SPTBN5: variants seen among roughly 807,000 people sequenced by gnomAD.
The protein encoded by SPTBN5 is spectrin beta chain, non-erythrocytic 5.
SPTBN5 carries 513 observed loss-of-function variants against 477.6 expected under a neutral mutation model. That is an observed-to-expected ratio of 1.07 (90% CI 1.00 to 1.16). The LOEUF (loss-of-function observed/expected upper bound fraction) is 1.16, where lower values mean the gene tolerates loss of function less well. SPTBN5 is among the 50% of genes most tolerant of loss of function. The pLI, the probability that SPTBN5 is intolerant of heterozygous loss-of-function variation, is 0.00. For synonymous variants in SPTBN5, 2,169 were observed against 2,011.7 expected (o/e 1.08, Z -2.09); for missense variants, 5,062 against 4,731.8 (o/e 1.07, Z -2.05).
At position 41,873,625 on chromosome 15, in the gene SPTBN5, C is replaced by T; in HGVS notation, c.4891-17G>A. 6.5e-7 allele frequency: 1 copy of T among 1,543,836 alleles called. No homozygotes were observed. The highest frequency in any genetic ancestry group is 8.8e-7 in the Non-Finnish European group (1 of 1,141,320). ...CAGAAAGTACTGCCAAGAGTGGGGC[C>T]AACTCACCTGGAGGATCTCAGACAG... On this transcript the variant is annotated splice_polypyrimidine_tract_variant and intron_variant, in intron 25 of 67. Transcript: ENST00000320955.
Position 41,874,461 on chromosome 15 carries a change from C to T in SPTBN5, c.4520G>A (p.Gly1507Glu). ...KHLRRLELLQGHLAIRGLQLQ... is the reference protein window; with the variant it reads ...KHLRRLELLQEHLAIRGLQLQ... ...CTGCAGGCCCCGGATGGCCAGATGC[C>T]CCTGCAGAAGCTCCAGCCTAGGAGG... Residue 1507 changes from glycine (G) to glutamate (E), a missense_variant, in exon 24 of 68, where the codon GGG becomes GAG. Coordinates refer to ENST00000320955, the MANE Select transcript of SPTBN5 (RefSeq NM_016642.4). 6.2e-7 allele frequency: 1 copy of T among 1,609,418 alleles called. No homozygotes were observed.
In SPTBN5 at chr15:41,881,230, T is replaced by A; in HGVS notation, c.2462A>T (p.Asn821Ile). The change falls in exon 13 of 68, where the codon AAC becomes ATC. Residue 821 changes from asparagine (N) to isoleucine (I), a missense_variant. By Grantham distance (149) the Asn-to-Ile change is moderately radical. Transcript: ENST00000320955. Reference protein sequence around the residue: ...ASARASLFTVNSALSPPGESL... With the variant: ...ASARASLFTVISALSPPGESL... Reference sequence around the variant, plus strand: ...TTCTCCTGGAGGGCTCAGGGCAGAGTTCACCTGTGTGACAAAGGGCAGCGC... The same window carrying A: ...TTCTCCTGGAGGGCTCAGGGCAGAGATCACCTGTGTGACAAAGGGCAGCGC... The A allele has an allele frequency of 6.2e-7, 1 of 1,603,400 alleles. No individual in the cohort carries two copies. The highest frequency in any genetic ancestry group is 8.5e-7 in the Non-Finnish European group (1 of 1,176,012).
intron 39 of SPTBN5, 42 bp from the exon 40 acceptor site, chr15:41,864,066 C>A: frequency 6.5e-7 from 1 of 1,529,586 alleles, no homozygotes; most frequent in Non-Finnish European, 9.0e-7. Context: ...ACCCCCCATG[C>A]AGAGCCCCTT....
chr15:41,873,448 T>A, intron 26 of SPTBN5, 44 bp downstream of exon 26: 1 of 1,431,772 alleles, frequency 7.0e-7, no homozygotes, highest in Non-Finnish European at 9.6e-7. Context: ...CCGTGGTCCA[T>A]CATCACCCAG....
intron 7 of SPTBN5, among the ~76,000 whole-genome samples, chr15:41,885,457 T>C (rs1319988736): frequency 6.6e-6 from 1 of 152,268 alleles, no homozygotes; most frequent in Non-Finnish European, 1.5e-5. Flanking sequence ...CTCCAGCACC[T>C]AGCACAGTGT....
At position 41,857,316 on chromosome 15, in the gene SPTBN5, C is replaced by A. The variant is rs1022883332; in HGVS notation, c.8543G>T (p.Gly2848Val). The stretch of plus-strand genomic sequence containing the variant: ...TTCCCTCACAAAGGCCTGGGCCTGG[C>A]CCAGCAGTGCCTCAGCCTGCCTGGC... ...KKARQAEALLGQAQAFVREGH... is the reference protein window; with the variant it reads ...KKARQAEALLVQAQAFVREGH... Residue 2848 changes from glycine (G) to valine (V), a missense_variant, in exon 51 of 68, where the codon GGC becomes GTC. Physicochemically the swap from Gly to Val is moderately radical, Grantham distance 109 (BLOSUM62 -3). Coordinates refer to ENST00000320955, the MANE Select transcript of SPTBN5 (RefSeq NM_016642.4). 3.8e-6 allele frequency: 6 copies of A among 1,567,832 alleles called. No homozygotes were observed. The highest frequency in any genetic ancestry group is 5.2e-6 in the Non-Finnish European group (6 of 1,156,950).
intron 20 of SPTBN5, 57 bp from the exon 21 acceptor site, chr15:41,876,341 T>C (rs1453002599): frequency 2.5e-5 from 37 of 1,480,014 alleles, no homozygotes; most frequent in Non-Finnish European, 3.0e-5. Flanking sequence ...GGCTGGTGCC[T>C]AGCCCTGCAT....
At chr15:41,848,890 A>G (rs2065647775) in intron 67 of SPTBN5, among the ~76,000 whole-genome samples, 1 of 152,202 alleles carries the variant, frequency 6.6e-6, no homozygotes, top group South Asian at 2.1e-4. Flanking sequence ...TAGAGACAGC[A>G]GAAAAAATGG....
At chr15:41,875,273 A>G (rs2066684849) in intron 22 of SPTBN5, among the ~76,000 whole-genome samples, 185 bp downstream of exon 22, 1 of 152,230 alleles carries the variant, frequency 6.6e-6, no homozygotes, top group Non-Finnish European at 1.5e-5. Flanking sequence ...CCCGCTGGGC[A>G]CACAGGAGAG....
At chr15:41,866,516 G>T in intron 36 of SPTBN5, 23 bp from the exon 37 acceptor site, 2 of 1,522,518 alleles carry the variant, frequency 1.3e-6, no homozygotes. Flanking sequence ...GGACATGAAT[G>T]CTGCAATGTT....
chr15:41,852,905 C>T lies in SPTBN5; in HGVS notation c.10266G>A (p.Leu3422=). 6.2e-7 allele frequency: 1 copy of T among 1,605,968 alleles called. No homozygotes were observed. Among genetic ancestry groups the T allele is most frequent in the Middle Eastern group, 1.7e-4 (1 of 6,028 alleles). ...GCTCCAGCCTCTGCCGAAGCTTCTG[C>T]AGGCCCCAGCTCTCGGCACAGCGTT... ...RWQRCAESWG[L]QKLRQRLEQA... The change falls in exon 60 of 68, where the codon CTG becomes CTA. Residue 3422 remains leucine (L), a synonymous_variant. Coordinates refer to ENST00000320955, the MANE Select transcript of SPTBN5 (RefSeq NM_016642.4).
chr15:41,890,541 A>C (rs1404593139), intron 3 of SPTBN5, among the ~76,000 whole-genome samples: 1 of 152,260 alleles, frequency 6.6e-6, no homozygotes, highest in African/African-American at 2.4e-5. Flanking sequence ...ATGAGGGGTC[A>C]TAACAGTCAA....
Position 41,853,425 on chromosome 15 carries a change from C to A in SPTBN5, c.10003G>T (p.Glu3335Ter), listed in dbSNP as rs1177006386. The change falls in exon 59 of 68, where the codon GAG becomes TAG. Residue 3335 changes from glutamate to a stop codon, truncating the protein, a stop_gained. Transcript: ENST00000320955. LOFTEE classifies it high-confidence loss of function. ...GCCAGCTCCTCGGAGGACGCCAGCT[C>A]CTGCCTCTCCTGTGCCCATGCTCTG... ...ELLAWAQERQ[E>*]LASSEELAED... The A allele has an allele frequency of 1.3e-6, 2 of 1,589,468 alleles. No individual in the cohort carries two copies. Among genetic ancestry groups the A allele is most frequent in the African/African-American group, 1.3e-5 (1 of 74,648 alleles).
chr15:41,871,793 C>A lies in SPTBN5; in HGVS notation c.5290G>T (p.Glu1764Ter). 6.3e-7 allele frequency: 1 copy of A among 1,588,186 alleles called. No homozygotes were observed. Among genetic ancestry groups the A allele is most frequent in the Non-Finnish European group, 8.6e-7 (1 of 1,167,298 alleles). The change falls in exon 28 of 68, where the codon GAG (glutamate) becomes TAG (stop). Residue 1764 changes from glutamate (E) to a stop codon, truncating the protein, a stop_gained. Coordinates refer to ENST00000320955, the MANE Select transcript of SPTBN5 (RefSeq NM_016642.4). LOFTEE classifies it high-confidence loss of function. ...KGGESLGEDP[E>*]HALHLCTKFA... ...GGCCCTCTTCTCACCAGGGCGTGCT[C>A]GGGGTCCTCTCCCAGGCTCTCCCCT...
In SPTBN5 at chr15:41,887,110, C is replaced by A. The variant is rs573270461; in HGVS notation, c.888+103G>T. On this transcript the variant is annotated intron_variant, in intron 6 of 67. Transcript: ENST00000320955. ...GAGGGTGCACAGTGAAGTTGGGTGA[C>A]TTGGCCAAGGCCACACAGCTAGTAC... 46 of 1,096,708 alleles carry A rather than the reference C, an allele frequency of 4.2e-5. No homozygotes were observed. The South Asian group carries it at 5.0e-4, about 12-fold the overall frequency. The allele number at this position is 1,096,708 out of a possible 1,614,324, so 67.9% of individuals were successfully genotyped here.
At chr15:41,861,281 C>G (rs536499405) in intron 46 of SPTBN5, 138 bp downstream of exon 46, 5 of 730,028 alleles carry the variant, frequency 6.8e-6, no homozygotes, top group Non-Finnish European at 1.2e-5. Context: ...TGCCCAGTGA[C>G]GGATGTGGCC....
chr15:41,881,939 G>T lies in SPTBN5; in HGVS notation c.2454C>A (p.Phe818Leu). The change falls in exon 12 of 68, where the codon TTC (phenylalanine) becomes TTA (leucine). Residue 818 changes from phenylalanine (F) to leucine (L), a missense_variant. Physicochemically the swap from Phe to Leu is conservative, Grantham distance 22. Transcript: ENST00000320955. ...CCTTCCCTGTCCCCGTCCTCACCGT[G>T]AATAACGACGCCCGGGCCGAGGCCG... Reference protein sequence around the residue: ...GRAASARASLFTVNSALSPPG... With the variant: ...GRAASARASLLTVNSALSPPG... The T allele has an allele frequency of 6.5e-7, 1 of 1,528,398 alleles. No individual in the cohort carries two copies. The highest frequency in any genetic ancestry group is 1.2e-5 in the South Asian group (1 of 83,588). 94.7% of individuals were successfully genotyped at this position (1,528,398 alleles called of 1,614,324 possible).
At chr15:41,861,375 C>T in intron 46 of SPTBN5, 44 bp downstream of exon 46, 1 of 1,551,360 alleles carries the variant, frequency 6.4e-7, no homozygotes, top group Non-Finnish European at 8.9e-7. Context: ...CCTAATGCTG[C>T]TCTGGTAATT....
chr15:41,891,811 C>G (rs1035342931), intron 3 of SPTBN5, among the ~76,000 whole-genome samples: 1 of 152,140 alleles, frequency 6.6e-6, no homozygotes, highest in Non-Finnish European at 1.5e-5. Context: ...TGTGTGTTTG[C>G]GGCAACTCCG....
Sources: allele counts gnomAD v4.1 joint callset (sites outside exome capture counted in the v4.1 genomes callset), GRCh38; gene constraint gnomAD v4.1.1; transcripts MANE v1.5; gene names NCBI Gene and HGNC (gene_info 2026-07-23, HGNC 2026-07-21).